The following FGF13 variants were observed in gnomAD, a reference collection of about 807,000 sequenced individuals.
FGF13 encodes fibroblast growth factor 13.
Under a neutral mutation model 19.5 loss-of-function variants are expected in FGF13, and 2 were observed. The observed-to-expected ratio is 0.10, with a 90% CI of 0.04 to 0.32. The LOEUF is 0.32. FGF13 is among the 10% of genes least tolerant of loss of function. FGF13 has a pLI of 1.00. For missense variants in FGF13, 113 were observed against 192.7 expected, an observed-to-expected ratio of 0.59 and a Z score of 2.45; for synonymous variants, 72 against 76.9, an observed-to-expected ratio of 0.94 and a Z score of 0.33.
Position 138,711,218 on chromosome X carries a change from G to C in FGF13, c.-215C>G. The C allele has an allele frequency of 1.9e-6, 2 of 1,056,211 alleles. No homozygotes were observed. Among genetic ancestry groups the C allele is most frequent in the Non-Finnish European group, 2.4e-6 (2 of 826,178 alleles). 87.0% of individuals were successfully genotyped at this position (1,056,211 alleles called of 1,213,427 possible). A position where few individuals can be genotyped will look rare whatever the true frequency, so the allele number is the denominator to read the frequency against. On this transcript the variant is annotated 5_prime_UTR_variant, in exon 1 of 5. Coordinates refer to ENST00000315930, the MANE Select transcript of FGF13 (RefSeq NM_004114.5). ...TCCGGCGGCGGTCCGGCTCCCGCGCGGGCTGCTGGCTGCCTGGGTCGGAGT... is the reference window on the plus strand; with the variant it reads ...TCCGGCGGCGGTCCGGCTCCCGCGCCGGCTGCTGGCTGCCTGGGTCGGAGT...
chrX:138,993,017 C>T (rs2092024369), intron 1 of FGF13, among the ~76,000 whole-genome samples: 2 of 111,751 alleles, frequency 1.8e-5, no homozygotes, highest in Admixed American at 9.5e-5. Context: ...TCTGTGTTAT[C>T]CCCACCAAAA....
intron 3 of FGF13, among the ~76,000 whole-genome samples, chrX:138,683,382 C>A (rs1602696283): frequency 9.2e-6 from 1 of 108,971 alleles, no homozygotes; most frequent in South Asian, 4.0e-4. Flanking sequence ...AACAAACTAA[C>A]ACACACACAC....
chrX:139,083,317 G>A (rs752203899), intron 1 of FGF13, among the ~76,000 whole-genome samples: 4 of 111,291 alleles, frequency 3.6e-5, no homozygotes, highest in Non-Finnish European at 7.5e-5. Flanking sequence ...CATGTATCGT[G>A]CCCCAGTGCT....
chrX:138,693,587 A>T (rs780146677), intron 3 of FGF13, among the ~76,000 whole-genome samples: 10 of 111,959 alleles, frequency 8.9e-5, no homozygotes, highest in Non-Finnish European at 1.9e-4. Context: ...ATCCCATAAA[A>T]CTAAATGATT....
intron 3 of FGF13, among the ~76,000 whole-genome samples, chrX:138,846,632 G>A (rs1176138645): frequency 1.8e-5 from 2 of 111,575 alleles, no homozygotes; most frequent in East Asian, 5.7e-4. Flanking sequence ...CATGCTTCTT[G>A]TACAGCCTGC....
rs1308980925 is a variant in FGF13, at chrX:138,652,018, C to A, written c.403-16363G>T. Reference sequence around the variant, plus strand: ...TTTTCATTTCACTCAGAGTCAAAGACAAAGTCCCTGACTTGGCCTATGAGA... The same window carrying A: ...TTTTCATTTCACTCAGAGTCAAAGAAAAAGTCCCTGACTTGGCCTATGAGA... On this transcript the variant is annotated intron_variant, in intron 3 of 4. Transcript: ENST00000315930. 5.4e-5 allele frequency among the ~76,000 whole-genome samples: 6 copies of A among 112,030 alleles called. No homozygotes were observed. In the East Asian group the frequency reaches 1.7e-3, roughly 31 times the overall value.
At chrX:139,079,989 C>T (rs867438176) in intron 1 of FGF13, among the ~76,000 whole-genome samples, 4 of 106,408 alleles carry the variant, frequency 3.8e-5, no homozygotes, top group Non-Finnish European at 7.7e-5. Flanking sequence ...GTCATCATCA[C>T]CATCATCATC....
intron 1 of FGF13, among the ~76,000 whole-genome samples, chrX:139,153,732 C>T (rs2083954250): frequency 8.9e-6 from 1 of 111,785 alleles, no homozygotes; most frequent in Non-Finnish European, 1.9e-5. Context: ...AAAGTCTCTA[C>T]AGATATAATC....
intron 1 of FGF13, among the ~76,000 whole-genome samples, chrX:138,889,323 A>C (rs1027785943): frequency 2.7e-5 from 3 of 112,347 alleles, no homozygotes; most frequent in African/African-American, 9.7e-5. Context: ...AAGCACAGTG[A>C]TGTGCACTAG....
chrX:139,030,710 G>A (rs1354725465), intron 1 of FGF13, among the ~76,000 whole-genome samples: 1 of 111,595 alleles, frequency 9.0e-6, no homozygotes, highest in African/African-American at 3.3e-5. Context: ...TCCTATTTAA[G>A]TTTCTCCAAC....
At chrX:138,672,900 C>A (rs2089628808) in intron 3 of FGF13, among the ~76,000 whole-genome samples, 1 of 111,312 alleles carries the variant, frequency 9.0e-6, no homozygotes. Context: ...AGTGTGGTGT[C>A]CTGAAGCCAA....
chrX:138,974,493 T>A (rs947003096), intron 1 of FGF13, among the ~76,000 whole-genome samples: 1 of 112,028 alleles, frequency 8.9e-6, no homozygotes, highest in Non-Finnish European at 1.9e-5. Context: ...TGCAGAAGAC[T>A]CATCTCTACA....
Position 138,631,585 on chromosome X carries a change from A to C in FGF13, c.*1265T>G, listed in dbSNP as rs2089116027. 8.9e-6 allele frequency: 1 copy of C among 112,801 alleles called. No homozygotes were observed. Among genetic ancestry groups the C allele is most frequent in the South Asian group, 3.6e-4 (1 of 2,745 alleles). 9.3% of individuals were successfully genotyped at this position (112,801 alleles called of 1,213,427 possible). A position where few individuals can be genotyped will look rare whatever the true frequency, so the allele number is the denominator to read the frequency against. ...TGTTGGAAGATTATTCTTTGAATGA[A>C]TATAAAGAGTTTATTCGGTGCGTAT... On this transcript the variant is annotated 3_prime_UTR_variant, in exon 5 of 5. Coordinates refer to ENST00000315930, the MANE Select transcript of FGF13 (RefSeq NM_004114.5).
chrX:138,667,815 AT>A, intron 3 of FGF13: 1 of 324,883 alleles, frequency 3.1e-6, no homozygotes, highest in Non-Finnish European at 6.3e-6. Flanking sequence ...TCCACTCCAT[AT>A]TTTCTGTCTT....
chrX:139,141,900 T>C (rs924571813), intron 1 of FGF13, among the ~76,000 whole-genome samples: 15 of 112,052 alleles, frequency 1.3e-4, no homozygotes, highest in Non-Finnish European at 3.8e-5. Flanking sequence ...ATAATACAGC[T>C]CAGATCACAT....
intron 1 of FGF13, among the ~76,000 whole-genome samples, chrX:138,914,179 C>G (rs1180265041): frequency 9.3e-6 from 1 of 108,036 alleles, no homozygotes; most frequent in Non-Finnish European, 1.9e-5. Flanking sequence ...TCTTACCACT[C>G]CCCTGGACAG....
At chrX:138,962,499 A>G (rs994308971) in intron 1 of FGF13, among the ~76,000 whole-genome samples, 7 of 112,342 alleles carry the variant, frequency 6.2e-5, no homozygotes, top group African/African-American at 2.3e-4. Context: ...TACTGGGTAT[A>G]TATCCAAAGG....
At chrX:139,076,388 ATACT>A (rs758284384) in intron 1 of FGF13, among the ~76,000 whole-genome samples, 14 of 111,933 alleles carry the variant, frequency 1.3e-4, no homozygotes, top group South Asian at 3.7e-4. Context: ...ACTTATTTGG[ATACT>A]TACTTACTTT....
At chrX:139,111,680 AAC>A (rs1225810405) in intron 1 of FGF13, among the ~76,000 whole-genome samples, 1 of 111,711 alleles carries the variant, frequency 9.0e-6, no homozygotes, top group African/African-American at 3.3e-5. Context: ...TTCTAGAAAA[AAC>A]ACACGCTGCT....
Sources: allele counts gnomAD v4.1 joint callset (sites outside exome capture counted in the v4.1 genomes callset), GRCh38; gene constraint gnomAD v4.1.1; transcripts MANE v1.5; gene names NCBI Gene and HGNC (gene_info 2026-07-23, HGNC 2026-07-21).